Variants in PPEF1 observed in about 807,000 individuals in gnomAD.
The protein encoded by PPEF1 is serine/threonine-protein phosphatase with EF-hands 1.
Under a neutral mutation model 53.3 loss-of-function variants are expected in PPEF1, and 12 were observed. The observed-to-expected ratio is 0.23, with a 90% CI of 0.14 to 0.36. The LOEUF (loss-of-function observed/expected upper bound fraction) is 0.36. Ranked by LOEUF, PPEF1 falls within the 10% of genes least tolerant of loss-of-function variation. PPEF1 has a pLI of 1.00. For synonymous variants in PPEF1, 165 were observed against 176.7 expected, an observed-to-expected ratio of 0.93 and a Z score of 0.52; for missense variants, 334 against 490.4, an observed-to-expected ratio of 0.68 and a Z score of 3.01.
intron 9 of PPEF1, among the ~76,000 whole-genome samples, chrX:18,785,469 C>T (rs1052474674): frequency 9.0e-6 from 1 of 111,064 alleles, no homozygotes; most frequent in Non-Finnish European, 1.9e-5. Flanking sequence ...TCTCCTGATT[C>T]TGTGGTGATT....
rs2046958576 is a variant in PPEF1, at chrX:18,818,161, A to T, written c.1501+16A>T. ...AGAAAATCAGGTAACAAATTTGCAT[A>T]ACATTTACCATTTCTTAACACACCA... On this transcript the variant is annotated intron_variant, in intron 13 of 15. Coordinates refer to ENST00000470157, the MANE Select transcript of PPEF1 (RefSeq NM_001377996.1). The T allele has an allele frequency of 1.8e-6, 2 of 1,085,691 alleles. No individual in the cohort carries two copies. Among genetic ancestry groups the T allele is most frequent in the Non-Finnish European group, 2.5e-6 (2 of 785,506 alleles). The allele number at this position is 1,085,691 out of a possible 1,213,427, so 89.5% of individuals were successfully genotyped here. A position where few individuals can be genotyped will look rare whatever the true frequency, so the allele number is the denominator to read the frequency against.
At chrX:18,692,243 A>AT (rs1347852990) in intron 4 of PPEF1, among the ~76,000 whole-genome samples, 1 of 111,488 alleles carries the variant, frequency 9.0e-6, no homozygotes, top group Non-Finnish European at 1.9e-5. Flanking sequence ...TGAACTCACG[A>AT]TTTTTCTCCA....
chrX:18,802,547 C>T (rs1221058162), intron 10 of PPEF1, among the ~76,000 whole-genome samples: 1 of 111,614 alleles, frequency 9.0e-6, no homozygotes, highest in African/African-American at 3.3e-5. Flanking sequence ...TACTTACCAT[C>T]GAGGGGGGAA....
intron 3 of PPEF1, among the ~76,000 whole-genome samples, chrX:18,739,044 T>A (rs1480247205): frequency 8.9e-6 from 1 of 111,908 alleles, no homozygotes; most frequent in Non-Finnish European, 1.9e-5. Flanking sequence ...TTTTTCAAGG[T>A]TTTTAACTTC....
intron 1 of PPEF1, among the ~76,000 whole-genome samples, chrX:18,711,586 A>G (rs191382608): frequency 4.5e-4 from 50 of 111,271 alleles, no homozygotes; most frequent in African/African-American, 1.6e-3. Flanking sequence ...GTGGATATCC[A>G]GTTGTCTCAG....
chrX:18,803,295 C>T lies in PPEF1; in HGVS notation c.1066-597C>T, dbSNP rs141823329. 4.1e-3 allele frequency among the ~76,000 whole-genome samples: 467 copies of T among 113,127 alleles called. 2 individuals are homozygous for T. Among genetic ancestry groups the T allele is most frequent in the Non-Finnish European group, 5.5e-3 (292 of 53,401 alleles). On this transcript the variant is annotated intron_variant, in intron 10 of 15. Coordinates refer to ENST00000470157, the MANE Select transcript of PPEF1 (RefSeq NM_001377996.1). ...TTTGTGGCTTAAGAATGCCTTTCAG[C>T]GGTTTTCCGCCCTGGGCAGGCCAGG...
intron 7 of PPEF1, among the ~76,000 whole-genome samples, chrX:18,781,578 A>T (rs756365529): frequency 8.9e-6 from 1 of 111,885 alleles, no homozygotes; most frequent in Admixed American, 9.5e-5. Context: ...ACTGCAAGGC[A>T]TCTGTTGGAT....
intron 3 of PPEF1, among the ~76,000 whole-genome samples, chrX:18,690,361 T>TTA (rs1341482260): frequency 2.2e-5 from 2 of 90,959 alleles, no homozygotes; most frequent in Non-Finnish European, 4.1e-5. Flanking sequence ...AGGACTTGTT[T>TTA]TTTTTTTTTT....
chrX:18,814,303 T>C (rs1288459274), intron 12 of PPEF1, among the ~76,000 whole-genome samples: 3 of 112,080 alleles, frequency 2.7e-5, no homozygotes, highest in Non-Finnish European at 5.6e-5. Flanking sequence ...ATGATGAACA[T>C]ACAACTGCAT....
At chrX:18,724,536 A>G (rs1014450177) in intron 1 of PPEF1, among the ~76,000 whole-genome samples, 1 of 112,320 alleles carries the variant, frequency 8.9e-6, no homozygotes, top group Non-Finnish European at 1.9e-5. Context: ...TGGCCAGGTA[A>G]CTTATTGAAT....
At chrX:18,704,123 C>G (rs2044146421), upstream of PPEF1, among the ~76,000 whole-genome samples, 1 of 108,451 alleles carries the variant, frequency 9.2e-6, no homozygotes, top group Admixed American at 1.0e-4. Flanking sequence ...ATGGGGTCTC[C>G]CTATGTTGCC....
chrX:18,767,883 G>A (rs2045808522), intron 6 of PPEF1, among the ~76,000 whole-genome samples: 1 of 111,422 alleles, frequency 9.0e-6, no homozygotes, highest in African/African-American at 3.3e-5. Context: ...CACGAAGGTT[G>A]CCTGCTCAGA....
At position 18,776,040 on chromosome X, in the gene PPEF1, C is replaced by G. The variant is rs181559994; in HGVS notation, c.559-2970C>G. Reference sequence around the variant, plus strand: ...GGCCTAGTTCTTCCATGTTTTCACCCCAGGGCTCCCTGCCGCTGCTCCTCT... The same window carrying G: ...GGCCTAGTTCTTCCATGTTTTCACCGCAGGGCTCCCTGCCGCTGCTCCTCT... On this transcript the variant is annotated intron_variant, in intron 6 of 15. Coordinates refer to ENST00000470157, the MANE Select transcript of PPEF1 (RefSeq NM_001377996.1). Among the ~76,000 whole-genome samples the G allele has an allele frequency of 7.5e-4, 84 of 112,072 alleles. 1 individual carries two copies. Among genetic ancestry groups the G allele is most frequent in the Admixed American group, 6.6e-3 (70 of 10,580 alleles).
chrX:18,703,128 C>T (rs1391408229), upstream of PPEF1, among the ~76,000 whole-genome samples: 1 of 110,952 alleles, frequency 9.0e-6, no homozygotes, highest in East Asian at 2.8e-4. Flanking sequence ...GGCTCACGCA[C>T]TGCTTACAAA....
chrX:18,681,152 A>T (rs1049744052), upstream of PPEF1, among the ~76,000 whole-genome samples: 7 of 111,827 alleles, frequency 6.3e-5, no homozygotes, highest in Middle Eastern at 4.6e-3. Context: ...TGGCTGGGTC[A>T]AATGGTAATA....
chrX:18,733,921 CT>C, intron 3 of PPEF1, 113 bp downstream of exon 3: 2 of 614,491 alleles, frequency 3.3e-6, no homozygotes, highest in Non-Finnish European at 4.8e-6. Flanking sequence ...AGATGCCTAC[CT>C]CTTTTGTTTA....
intron 4 of PPEF1, among the ~76,000 whole-genome samples, chrX:18,756,069 G>A (rs1316661648): frequency 1.8e-5 from 2 of 111,352 alleles, no homozygotes; most frequent in Admixed American, 1.9e-4. Flanking sequence ...TAGGGGTAGG[G>A]ATTAGGGGAA....
At chrX:18,804,228 G>C in intron 11 of PPEF1, 151 bp downstream of exon 11, 1 of 463,029 alleles carries the variant, frequency 2.2e-6, no homozygotes, top group East Asian at 4.2e-5. Flanking sequence ...CATCTAGGTT[G>C]TTTGAAGGGG....
chrX:18,719,099 C>A (rs1004361549), intron 1 of PPEF1, among the ~76,000 whole-genome samples: 5 of 111,662 alleles, frequency 4.5e-5, no homozygotes, highest in Non-Finnish European at 7.5e-5. Context: ...GATAGGAATT[C>A]TTTTATATAG....
Sources: allele counts gnomAD v4.1 joint callset (sites outside exome capture counted in the v4.1 genomes callset), GRCh38; gene constraint gnomAD v4.1.1; transcripts MANE v1.5; gene names NCBI Gene and HGNC (gene_info 2026-07-23, HGNC 2026-07-21).